The following RYR1 variants were observed in gnomAD, a reference collection of about 807,000 sequenced individuals.
RYR1 encodes ryanodine receptor 1, also known as central core disease of muscle.
Under a neutral mutation model 583.5 loss-of-function variants are expected in RYR1, and 342 were observed. The ratio of observed to expected loss-of-function variants is 0.59; its 90% CI spans 0.54 to 0.64. The LOEUF (loss-of-function observed/expected upper bound fraction) is 0.64, where lower values mean the gene tolerates loss of function less well. Among genes scored for constraint, RYR1 ranks in the 30% least tolerant of loss-of-function variants. The pLI is 0.00. For missense variants in RYR1, 6,032 were observed against 6,917.2 expected (o/e 0.87, Z 4.54); for synonymous variants, 2,791 against 2,822.5 (o/e 0.99, Z 0.35).
Position 38,504,817 on chromosome 19 carries a change from G to C in RYR1, c.8137G>C (p.Asp2713His). 1 of 1,614,092 alleles carries C rather than the reference G, an allele frequency of 6.2e-7. No individual in the cohort carries two copies. The highest frequency in any genetic ancestry group is 1.1e-5 in the South Asian group (1 of 91,070). Reference protein sequence around the residue: ...LCAIAGALPPDYVDASYSSKA... With the variant: ...LCAIAGALPPHYVDASYSSKA... ...CGCCATTGCCGGGGCTCTGCCCCCC[G>C]ACTATGTGGATGCCTCATACTCATC... The change falls in exon 51 of 106, where the codon GAC becomes CAC. Residue 2713 changes from aspartate (D) to histidine (H), a missense_variant. Around this residue, in one of 11 missense-constraint regions of RYR1, gnomAD observed 1,493 missense variants for 1,715.5 expected, o/e 0.87. Transcript: ENST00000359596.
In RYR1 at chr19:38,478,947, T is replaced by C. The variant is rs911566350; in HGVS notation, c.4620+347T>C. Among the ~76,000 whole-genome samples the C allele has an allele frequency of 2.2e-4, 34 of 152,188 alleles. 1 individual carries two copies. Among genetic ancestry groups the C allele is most frequent in the Admixed American group, 2.1e-3 (32 of 15,274 alleles). ...AACAGCCGGCTAAGTTTTATGTTTT[T>C]AGTAGAGACGAGGTTTCACTGTGTT... On this transcript the variant is annotated intron_variant, in intron 31 of 105. Coordinates refer to ENST00000359596, the MANE Select transcript of RYR1 (RefSeq NM_000540.3).
At chr19:38,489,986 A>T in intron 35 of RYR1, 90 bp from the exon 36 acceptor site, 1 of 1,368,636 alleles carries the variant, frequency 7.3e-7, no homozygotes, top group Non-Finnish European at 1.0e-6. Context: ...GGGCAGGGCC[A>T]TGGAGAGGGG....
chr19:38,533,770 C>T (rs947966981), intron 78 of RYR1, among the ~76,000 whole-genome samples: 10 of 142,442 alleles, frequency 7.0e-5, no homozygotes, highest in Non-Finnish European at 1.1e-4. Flanking sequence ...CCAGCCTGGG[C>T]GAGACTCCAT....
intron 20 of RYR1, among the ~76,000 whole-genome samples, chr19:38,462,755 G>A (rs1360141467): frequency 6.6e-6 from 1 of 152,170 alleles, no homozygotes; most frequent in Non-Finnish European, 1.5e-5. Flanking sequence ...TCTCTTCTGG[G>A]TCTGAGTCTG....
intron 63 of RYR1, among the ~76,000 whole-genome samples, chr19:38,513,992 A>G (rs913312510): frequency 1.3e-5 from 2 of 152,168 alleles, no homozygotes; most frequent in African/African-American, 4.8e-5. Context: ...TGATTTTTTT[A>G]AAAGAAATTC....
chr19:38,502,456 A>G, intron 47 of RYR1, 51 bp from the exon 48 acceptor site: 3 of 1,537,212 alleles, frequency 2.0e-6, no homozygotes, highest in Non-Finnish European at 1.8e-6. Context: ...CAGGTGCCAG[A>G]GCAGCCCCAG....
chr19:38,462,048 C>G (rs1364324471), intron 20 of RYR1, among the ~76,000 whole-genome samples: 1 of 152,146 alleles, frequency 6.6e-6, no homozygotes, highest in Non-Finnish European at 1.5e-5. Flanking sequence ...GAGCAAGACT[C>G]CATCTCAAAA....
rs1261232968 is a variant in RYR1 at position 38,502,766 on chromosome 19, G to GGCAGGA, written c.7835+44_7835+45insAGCAGG. ...GGCTTCAGGGTGGGGCAGGGGCAGG[G>GGCAGGA]GCAGGGGCAGGGGCAGGGGCAGGGG... On this transcript the variant is annotated intron_variant, in intron 48 of 105. Transcript: ENST00000359596. 27 of 856,656 alleles carry GGCAGGA rather than the reference G, an allele frequency of 3.2e-5. No homozygotes were observed. In the African/African-American group the frequency reaches 4.5e-4, roughly 14 times the overall value. The allele number at this position is 856,656 out of a possible 1,614,324, so 53.1% of individuals were successfully genotyped here. A position where few individuals can be genotyped will look rare whatever the true frequency, so the allele number is the denominator to read the frequency against.
At position 38,513,971 on chromosome 19, in the gene RYR1, C is replaced by A. The variant is rs189986246; in HGVS notation, c.9473-1055C>A. ...ATATTTAAATTTCCCTCATTACCCA[C>A]AAAATGTCTTTGATTTTTTTAAAAG... On this transcript the variant is annotated intron_variant, in intron 63 of 105. Transcript: ENST00000359596. Among the ~76,000 whole-genome samples the A allele has an allele frequency of 7.2e-3, 1,092 of 152,236 alleles. 17 individuals are homozygous for A. The highest frequency in any genetic ancestry group is 0.022 in the African/African-American group (908 of 41,524).
At chr19:38,563,850 G>A (rs1162769874) in intron 90 of RYR1, among the ~76,000 whole-genome samples, 1 of 152,176 alleles carries the variant, frequency 6.6e-6, no homozygotes, top group African/African-American at 2.4e-5. Context: ...CTGGGGGTTC[G>A]AATCCTATAT....
At chr19:38,446,379 C>G in intron 7 of RYR1, 93 bp from the exon 8 acceptor site, 1 of 941,788 alleles carries the variant, frequency 1.1e-6, no homozygotes, top group African/African-American at 1.6e-5. Flanking sequence ...CAGGTTCCCC[C>G]AGGGGAGGAG....
intron 84 of RYR1, among the ~76,000 whole-genome samples, chr19:38,539,312 C>T (rs1478578192): frequency 6.7e-6 from 1 of 149,096 alleles, no homozygotes; most frequent in Non-Finnish European, 1.5e-5. Flanking sequence ...GTGATCACAG[C>T]TCGCTGCAAC....
chr19:38,497,650 T>C lies in RYR1; in HGVS notation c.6891+696T>C, dbSNP rs571671403. Among the ~76,000 whole-genome samples the C allele has an allele frequency of 3.9e-5, 6 of 152,332 alleles. No homozygotes were observed. In the South Asian group the frequency reaches 1.2e-3, roughly 32 times the overall value. On this transcript the variant is annotated intron_variant, in intron 42 of 105. Transcript: ENST00000359596. ...ACAAATATGTAGTGTTAGCTTACCATATGCAAAGCAGTAGCAATATGACAG... is the reference window on the plus strand; with the variant it reads ...ACAAATATGTAGTGTTAGCTTACCACATGCAAAGCAGTAGCAATATGACAG...
Position 38,511,619 on chromosome 19 carries a change from C to T in RYR1, c.9172+9C>T. 1 of 1,614,008 alleles carries T rather than the reference C, an allele frequency of 6.2e-7. No individual in the cohort carries two copies. The highest frequency in any genetic ancestry group is 2.2e-5 in the East Asian group (1 of 44,878). ...CCGAGTCTCTCTCTTTGGTAAGTGG[C>T]TCCACACCTTCGGTCTTCCTCCCTA... On this transcript the variant is annotated intron_variant, in intron 61 of 105. Transcript: ENST00000359596.
Position 38,565,509 on chromosome 19 carries a change from A to G in RYR1, c.13175A>G (p.His4392Arg), listed in dbSNP as rs1408526429. The G allele has an allele frequency of 6.6e-7, 1 of 1,503,990 alleles. No homozygotes were observed. The highest frequency in any genetic ancestry group is 2.1e-5 in the Admixed American group (1 of 48,048). The allele number at this position is 1,503,990 out of a possible 1,614,324, so 93.2% of individuals were successfully genotyped here. Residue 4392 changes from histidine to arginine, a missense_variant, in exon 91 of 106, where the codon CAC (histidine) becomes CGC (arginine). Transcript: ENST00000359596. This position sits in a 1 kb window ranked among gnomAD's most constrained non-coding sequence, Gnocchi z 4.7. ...GMPDPTSDEVHGEQPAGPGGD... is the reference protein window; with the variant it reads ...GMPDPTSDEVRGEQPAGPGGD... The stretch of plus-strand genomic sequence containing the variant: ...CCCGACCCCACCAGCGACGAGGTGC[A>G]CGGCGAGCAGCCGGCCGGGCCGGGC...
intron 89 of RYR1, among the ~76,000 whole-genome samples, chr19:38,549,510 G>A (rs1366534776): frequency 6.6e-6 from 1 of 152,106 alleles, no homozygotes; most frequent in Non-Finnish European, 1.5e-5. Context: ...GTCCTCAAGA[G>A]ATGTTAGCTG....
intron 30 of RYR1, 52 bp downstream of exon 30, chr19:38,477,922 A>G (rs1360687120): frequency 6.5e-7 from 1 of 1,543,916 alleles, no homozygotes; most frequent in Admixed American, 1.7e-5. Context: ...GGCAGGAGGC[A>G]GTCAGAGCTC....
In RYR1 at chr19:38,562,184, C is replaced by T. The variant is rs149507211; in HGVS notation, c.12624+730C>T. Among the ~76,000 whole-genome samples, 654 of 152,226 alleles carry T rather than the reference C, an allele frequency of 4.3e-3. 9 individuals are homozygous for T. The highest frequency in any genetic ancestry group is 0.015 in the African/African-American group (623 of 41,524). On this transcript the variant is annotated intron_variant, in intron 90 of 105. Coordinates refer to ENST00000359596, the MANE Select transcript of RYR1 (RefSeq NM_000540.3). ...TGCTCACCCATGCACACTTGGGCCA[C>T]GGTCTCAGGCTCACCCAGAAGAGCC... is the stretch of plus-strand genomic sequence containing the variant.
At chr19:38,575,632 G>A (rs751798444) in intron 96 of RYR1, among the ~76,000 whole-genome samples, 17 of 151,940 alleles carry the variant, frequency 1.1e-4, no homozygotes, top group African/African-American at 2.2e-4. Context: ...GCAAAACCTC[G>A]TCTCTACTAA....
Sources: gnomAD v4.1 joint callset for allele counts (sites outside exome capture counted in the v4.1 genomes callset) on GRCh38, gnomAD v4.1.1 for gene constraint, gnomAD v4.1.1 regional missense constraint, Gnocchi (gnomAD v3.1) non-coding constraint, MANE v1.5 for transcripts, NCBI Gene and HGNC (gene_info 2026-07-23, HGNC 2026-07-21) for gene names.